ZNF117: variants seen among roughly 807,000 people sequenced by gnomAD.
ZNF117 encodes the protein zinc finger protein 117, also known as Krueppel-related zinc finger protein.
In ZNF117, 37 loss-of-function variants were observed where a neutral mutation model predicts 41.2. The observed-to-expected ratio is 0.90, with a 90% CI of 0.69 to 1.18. ZNF117 has a LOEUF of 1.18. Ranked by LOEUF, ZNF117 falls within the 50% of genes most tolerant of loss-of-function variation. ZNF117 has a pLI of 0.00. For synonymous variants in ZNF117, 186 were observed against 186.6 expected (o/e 1.00, Z 0.02); for missense variants, 546 against 557.5 (o/e 0.98, Z 0.21).
At chr7:64,982,691 G>C (rs776778323), upstream of ZNF117, among the ~76,000 whole-genome samples, 2 of 152,126 alleles carry the variant, frequency 1.3e-5, no homozygotes, top group African/African-American at 4.8e-5. Flanking sequence ...CCTGTAAAAA[G>C]GGATGACAGC....
At chr7:64,989,762 T>C (rs1182611208) in intron 1 of ZNF117, among the ~76,000 whole-genome samples, 185 bp downstream of exon 1, 2 of 78,196 alleles carry the variant, frequency 2.6e-5, no homozygotes, top group African/African-American at 7.3e-5. Flanking sequence ...TTAAACAAAT[T>C]TATTTTAAAA....
At chr7:64,981,264 A>G in intron 2 of ZNF117, 123 bp downstream of exon 3, 2 of 1,280,422 alleles carry the variant, frequency 1.6e-6, no homozygotes, top group East Asian at 2.3e-5. Flanking sequence ...ATAAAAAAAA[A>G]CTCGGGCTTT....
chr7:64,981,073 T>C, intron 2 of ZNF117: 1 of 297,470 alleles, frequency 3.4e-6, no homozygotes, highest in South Asian at 4.9e-5. Flanking sequence ...CTCAAAATTA[T>C]GCATATTTGT....
At chr7:64,976,916 A>G in exon 3 of ZNF117, 1 of 516,830 alleles carries the variant, frequency 1.9e-6, no homozygotes. Context: ...CTCAAATATG[A>G]ATTGTCTTAT....
intron 2 of ZNF117, 107 bp downstream of exon 3, chr7:64,981,280 A>T: frequency 1.4e-6 from 2 of 1,431,556 alleles, no homozygotes; most frequent in Non-Finnish European, 1.9e-6. Flanking sequence ...GCTTTCCAGA[A>T]ACTATTTCCT....
At chr7:64,984,547 T>C (rs1786094796), upstream of ZNF117, among the ~76,000 whole-genome samples, 1 of 152,214 alleles carries the variant, frequency 6.6e-6, no homozygotes, top group South Asian at 2.1e-4. Context: ...CATTCCAATT[T>C]AGTGAAATGA....
chr7:64,974,716 T>G (rs1001813231), exon 3 of ZNF117: 9 of 151,966 alleles, frequency 5.9e-5, no homozygotes, highest in Non-Finnish European at 1.0e-4. Context: ...TAAGCAGGAC[T>G]CAGAATTTTA....
chr7:64,977,520 A>G, exon 3 of ZNF117: 2 of 530,028 alleles, frequency 3.8e-6, no homozygotes, highest in Non-Finnish European at 7.5e-6. Flanking sequence ...ATGTATAGTA[A>G]GAGTTGACAC....
chr7:64,981,508 A>T (rs1249917369), intron 1 of ZNF117, 26 bp from the exon 3 acceptor site: 1 of 1,528,814 alleles, frequency 6.5e-7, no homozygotes, highest in Non-Finnish European at 9.1e-7. Flanking sequence ...TAAATAACAT[A>T]AATCTTGCAC....
chr7:64,978,988 A>G lies in ZNF117; in HGVS notation c.583T>C (p.Cys195Arg), dbSNP rs778243181. Reference sequence around the variant, plus strand: ...TTAAAGGCTTTGCCACATTCTTCACATTTGTAGGGTTTCTCTTCAGTATGA... The same window carrying G: ...TTAAAGGCTTTGCCACATTCTTCACGTTTGTAGGGTTTCTCTTCAGTATGA... The change falls in exon 3 of 3, where the codon TGT becomes CGT. Residue 195 changes from cysteine to arginine, a missense_variant. Physicochemically the swap from Cys to Arg is radical, Grantham distance 180. Transcript: ENST00000620222. 3.7e-6 allele frequency: 6 copies of G among 1,613,434 alleles called. No individual in the cohort carries two copies. The highest frequency in any genetic ancestry group is 4.5e-5 in the East Asian group (2 of 44,850).
upstream of ZNF117, among the ~76,000 whole-genome samples, chr7:64,984,311 T>G (rs1258035382): frequency 6.6e-6 from 1 of 152,196 alleles, no homozygotes; most frequent in Non-Finnish European, 1.5e-5. Context: ...TTTGTATTTT[T>G]AGTAGAGACA....
chr7:64,981,518 C>A, intron 1 of ZNF117, 36 bp from the exon 3 acceptor site: 4 of 1,496,168 alleles, frequency 2.7e-6, no homozygotes, highest in Admixed American at 1.7e-5. Flanking sequence ...AAATCTTGCA[C>A]ATATTCTCCA....
upstream of ZNF117, among the ~76,000 whole-genome samples, chr7:64,983,700 C>G (rs550862948): frequency 2.6e-5 from 4 of 152,292 alleles, no homozygotes; most frequent in South Asian, 8.3e-4. Flanking sequence ...TCAGCACCAC[C>G]TGTTTACCTG....
At chr7:64,988,375 T>A (rs1314977533) in intron 1 of ZNF117, among the ~76,000 whole-genome samples, 1 of 152,280 alleles carries the variant, frequency 6.6e-6, no homozygotes, top group East Asian at 1.9e-4. Flanking sequence ...TCTCAATAGA[T>A]GCAGAAAAAG....
In ZNF117 at chr7:64,988,741, C is replaced by T. The variant is rs538810021; in HGVS notation, c.-196+1206G>A. 1.2e-4 allele frequency among the ~76,000 whole-genome samples: 18 copies of T among 152,192 alleles called. 1 individual carries two copies. In the South Asian group the frequency reaches 3.5e-3, roughly 30 times the overall value. On this transcript the variant is annotated intron_variant, in intron 1 of 3. Coordinates refer to the ZNF117 transcript ENST00000282869. ...AAGCTCCTTAAACTGAAAAACTGAA[C>T]CAAACTTCACAATACAAAGCAAATG...
chr7:64,981,960 T>A, intron 1 of ZNF117, 24 bp downstream of exon 2: 1 of 553,318 alleles, frequency 1.8e-6, no homozygotes, highest in Non-Finnish European at 3.3e-6. Context: ...TTAGGGTATA[T>A]TAGAAAATGT....
intron 1 of ZNF117, among the ~76,000 whole-genome samples, chr7:64,988,652 G>C (rs1205657595): frequency 6.6e-6 from 1 of 152,158 alleles, no homozygotes; most frequent in Non-Finnish European, 1.5e-5. Flanking sequence ...AAGAAAGGAA[G>C]TCAAACTTCC....
chr7:64,974,341 C>A (rs568124136), downstream of ZNF117: 4 of 151,832 alleles, frequency 2.6e-5, no homozygotes, highest in South Asian at 8.3e-4. Context: ...GCATGACTAA[C>A]AGGCAAGTAA....
At position 64,976,886 on chromosome 7, in the gene ZNF117, T is replaced by A; in HGVS notation, c.*1233A>T. ...TTTAGTTACAAGCATTGCCACATTC[T>A]TCACATTTGCAGGGTTTCTCTCAAA... is the stretch of plus-strand genomic sequence containing the variant. On this transcript the variant is annotated 3_prime_UTR_variant, in exon 3 of 3. Transcript: ENST00000620222. The A allele has an allele frequency of 4.1e-6, 2 of 491,334 alleles. 1 individual carries two copies. The highest frequency in any genetic ancestry group is 8.3e-6 in the Non-Finnish European group (2 of 241,136). 30.4% of individuals were successfully genotyped at this position (491,334 alleles called of 1,614,324 possible).
Sources: allele counts gnomAD v4.1 joint callset (sites outside exome capture counted in the v4.1 genomes callset), GRCh38; gene constraint gnomAD v4.1.1; transcripts MANE v1.5; gene names NCBI Gene and HGNC (gene_info 2026-07-23, HGNC 2026-07-21).